Variants in TIAM1 observed in about 807,000 individuals in gnomAD.
TIAM1 encodes the protein rho guanine nucleotide exchange factor TIAM1.
A neutral mutation model predicts 163.5 loss-of-function variants in TIAM1; 65 were observed. That is an observed-to-expected ratio of 0.40 (90% CI 0.33 to 0.49). TIAM1 has a LOEUF of 0.49. TIAM1 is among the 20% of genes least tolerant of loss of function. The probability of loss-of-function intolerance (pLI) is 0.77; values close to 1 mark genes in which losing one functional copy is unlikely to be tolerated. For synonymous variants in TIAM1, 833 were observed against 810.1 expected (o/e 1.03, Z -0.48); for missense variants, 1,789 against 2,044.7 (o/e 0.87, Z 2.41).
intron 6 of TIAM1, among the ~76,000 whole-genome samples, chr21:31,241,054 CTT>C (rs2071147336): frequency 6.6e-6 from 1 of 152,222 alleles, no homozygotes; most frequent in Admixed American, 6.5e-5. Context: ...CATGCTCTCT[CTT>C]GTCTGCTGCC....
intron 1 of TIAM1, among the ~76,000 whole-genome samples, chr21:31,339,807 A>T (rs916838516): frequency 1.3e-5 from 2 of 152,150 alleles, no homozygotes; most frequent in African/African-American, 4.8e-5. Flanking sequence ...AAAAGTGATG[A>T]TCTCTTCCCT....
rs780490418 is a variant in TIAM1, at chr21:31,296,688, G to A, written c.-188-19780C>T. 7.0e-4 allele frequency among the ~76,000 whole-genome samples: 106 copies of A among 151,640 alleles called. 1 individual carries two copies. Among genetic ancestry groups the A allele is most frequent in the Non-Finnish European group, 1.1e-3 (76 of 67,940 alleles). On this transcript the variant is annotated intron_variant, in intron 2 of 27. Transcript: ENST00000541036. ...GGAATTTTTTTTTTTTCTTGAGACA[G>A]AGTCTCGCTCTGTCACCCAGGCTGG... is the stretch of plus-strand genomic sequence containing the variant.
chr21:31,467,723 T>C (rs2045582803), intron 1 of TIAM1, among the ~76,000 whole-genome samples: 1 of 151,894 alleles, frequency 6.6e-6, no homozygotes, highest in Non-Finnish European at 1.5e-5. Flanking sequence ...CTTGAGACAC[T>C]GATGTGGGAG....
In TIAM1 at chr21:31,432,129, T is replaced by C. The variant is rs1361459001; in HGVS notation, c.-369+31854A>G. ...TTTTTTTTTTTTTTTTGAGACGGAG[T>C]CTCGCTCTGACACCAGGCTGGAGGG... On this transcript the variant is annotated intron_variant, in intron 2 of 28. Transcript: ENST00000286827. Among the ~76,000 whole-genome samples, 8 of 127,468 alleles carry C rather than the reference T, an allele frequency of 6.3e-5. 1 individual carries two copies. The highest frequency in any genetic ancestry group is 1.6e-5 in the Non-Finnish European group (1 of 64,366). The allele number at this position is 127,468 out of a possible 152,430, so 83.6% of individuals were successfully genotyped here. A position where few individuals can be genotyped will look rare whatever the true frequency, so the allele number is the denominator to read the frequency against.
chr21:31,290,755 C>G (rs1443218013), intron 2 of TIAM1, among the ~76,000 whole-genome samples: 1 of 151,008 alleles, frequency 6.6e-6, no homozygotes, highest in African/African-American at 2.4e-5. Flanking sequence ...TTGCAACTAG[C>G]AAACCCCACC....
At chr21:31,303,211 G>T (rs2074567909) in intron 2 of TIAM1, among the ~76,000 whole-genome samples, 1 of 152,104 alleles carries the variant, frequency 6.6e-6, no homozygotes, top group Non-Finnish European at 1.5e-5. Context: ...TTTCCCATAG[G>T]ACACCTATGA....
chr21:31,350,102 G>C (rs1022154043), intron 2 of TIAM1, among the ~76,000 whole-genome samples: 35 of 152,322 alleles, frequency 2.3e-4, no homozygotes, highest in Non-Finnish European at 1.6e-4. Context: ...TTACGTGTCA[G>C]ATAACAGAAT....
At chr21:31,227,240 A>G (rs2088044188) in intron 6 of TIAM1, among the ~76,000 whole-genome samples, 2 of 152,104 alleles carry the variant, frequency 1.3e-5, no homozygotes, top group Admixed American at 6.5e-5. Flanking sequence ...TACAGATGTG[A>G]GCCATCTTGC....
At chr21:31,319,349 CTA>C (rs1412684143) in intron 2 of TIAM1, among the ~76,000 whole-genome samples, 2 of 152,140 alleles carry the variant, frequency 1.3e-5, no homozygotes, top group Non-Finnish European at 2.9e-5. Flanking sequence ...CATAGTAATT[CTA>C]TGTTTAACAT....
At chr21:31,423,868 G>C (rs1412805492) in intron 2 of TIAM1, among the ~76,000 whole-genome samples, 2 of 129,532 alleles carry the variant, frequency 1.5e-5, no homozygotes, top group Admixed American at 8.0e-5. Context: ...GGGGGCGGGG[G>C]GGGGGTCAAG....
rs899432270 is a variant in TIAM1 at position 31,380,844 on chromosome 21, T to C, written c.-368-41422A>G. On this transcript the variant is annotated intron_variant, in intron 2 of 28. Transcript: ENST00000286827. ...TCCATATAATTTGCATTGTACCGGA[T>C]CGGTTAGGGACAGGGGCTTTAGAAT... Among the ~76,000 whole-genome samples the C allele has an allele frequency of 6.6e-5, 10 of 152,304 alleles. No homozygotes were observed. In the East Asian group the frequency reaches 1.4e-3, roughly 21 times the overall value.
intron 2 of TIAM1, among the ~76,000 whole-genome samples, chr21:31,357,627 C>T (rs1043489842): frequency 1.3e-5 from 2 of 152,152 alleles, no homozygotes; most frequent in African/African-American, 4.8e-5. Flanking sequence ...TGCTTTCTCC[C>T]TCTCCTTTGC....
At chr21:31,173,737 C>CT (rs367800914) in intron 15 of TIAM1, among the ~76,000 whole-genome samples, 92 of 152,236 alleles carry the variant, frequency 6.0e-4, no homozygotes, top group Non-Finnish European at 1.1e-3. Flanking sequence ...AAATCTCAGT[C>CT]TTTGTTTCCT....
intron 1 of TIAM1, among the ~76,000 whole-genome samples, chr21:31,483,235 G>A (rs2046171763): frequency 6.6e-6 from 1 of 152,106 alleles, no homozygotes; most frequent in Non-Finnish European, 1.5e-5. Flanking sequence ...CACCACCATG[G>A]GATCAAGCAC....
chr21:31,193,581 C>T (rs1569001474), intron 13 of TIAM1, among the ~76,000 whole-genome samples: 2 of 152,170 alleles, frequency 1.3e-5, no homozygotes, highest in Non-Finnish European at 2.9e-5. Context: ...TCACTCCATG[C>T]GCCTTTTCCC....
rs1349737618 is a variant in TIAM1 at position 31,416,175 on chromosome 21, T to C, written c.-369+47808A>G. Among the ~76,000 whole-genome samples the C allele has an allele frequency of 3.3e-5, 5 of 152,248 alleles. No individual in the cohort carries two copies. The East Asian group carries it at 5.8e-4, about 18-fold the overall frequency. ...TCACAAATCCTATATACCAGCCCCATAGGACAACTCCTCTCCTATTGTGCC... is the reference window on the plus strand; with the variant it reads ...TCACAAATCCTATATACCAGCCCCACAGGACAACTCCTCTCCTATTGTGCC... On this transcript the variant is annotated intron_variant, in intron 2 of 28. Coordinates refer to the TIAM1 transcript ENST00000286827.
Position 31,197,928 on chromosome 21 carries a change from T to A in TIAM1, c.2494-2623A>T, listed in dbSNP as rs187747144. On this transcript the variant is annotated intron_variant, in intron 12 of 27. Transcript: ENST00000541036. Reference sequence around the variant, plus strand: ...ACTACGATGCCTCCCAGATCAGCCTTCACTGGAACACAGGGTATGAACGCA... The same window carrying A: ...ACTACGATGCCTCCCAGATCAGCCTACACTGGAACACAGGGTATGAACGCA... Among the ~76,000 whole-genome samples, 15 of 152,270 alleles carry A rather than the reference T, an allele frequency of 9.9e-5. No homozygotes were observed. The East Asian group carries it at 2.7e-3, about 27-fold the overall frequency.
chr21:31,225,903 A>G lies in TIAM1; in HGVS notation c.1632T>C (p.Ser544=). The G allele has an allele frequency of 6.2e-7, 1 of 1,614,204 alleles. No individual in the cohort carries two copies. Among genetic ancestry groups the G allele is most frequent in the Non-Finnish European group, 8.5e-7 (1 of 1,180,034 alleles). The change falls in exon 7 of 28, where the codon TCT becomes TCC. Residue 544 remains serine (S), a synonymous_variant. Transcript: ENST00000541036. ...GCCTCGCGACCGCAGTGGCGCAGGC[A>G]GAGTGGATGGCGGTGATCCAGTTTT... The part of the protein sequence containing the change: ...ELENWITAIH[S]ACATAVARHH...
At chr21:31,260,270 C>T (rs1294056381) in intron 4 of TIAM1, among the ~76,000 whole-genome samples, 1 of 146,138 alleles carries the variant, frequency 6.8e-6, no homozygotes, top group Non-Finnish European at 1.5e-5. Context: ...CGGAGTCTCA[C>T]TCTGTCGCCC....
Sources: allele counts gnomAD v4.1 joint callset (sites outside exome capture counted in the v4.1 genomes callset), GRCh38; gene constraint gnomAD v4.1.1; transcripts MANE v1.5; gene names NCBI Gene and HGNC (gene_info 2026-07-23, HGNC 2026-07-21).